COL21A1: variants seen among roughly 807,000 people sequenced by gnomAD.
COL21A1 encodes collagen type XXI alpha 1 chain, also known as collagen alpha-1(XXI) chain.
COL21A1 carries 149 observed loss-of-function variants against 137.9 expected under a neutral mutation model. That is an observed-to-expected ratio of 1.08 (90% confidence interval 0.95 to 1.24). The LOEUF (loss-of-function observed/expected upper bound fraction) is 1.24. COL21A1 is among the 50% of genes most tolerant of loss of function. The pLI is 0.00. For synonymous variants in COL21A1, 456 were observed against 391.5 expected (o/e 1.16, Z -1.95); for missense variants, 1,167 against 1,158.4 (o/e 1.01, Z -0.11).
chr6:56,196,862 C>T (rs1409800907), intron 1 of COL21A1, among the ~76,000 whole-genome samples: 3 of 151,760 alleles, frequency 2.0e-5, no homozygotes, highest in African/African-American at 7.3e-5. Flanking sequence ...GCATTTTTTA[C>T]AAAAATAGAA....
At chr6:56,242,036 T>A (rs1782357741) in intron 1 of COL21A1, among the ~76,000 whole-genome samples, 2 of 152,316 alleles carry the variant, frequency 1.3e-5, no homozygotes, top group South Asian at 4.1e-4. Flanking sequence ...ATTTGATGAA[T>A]GGGTGAACAC....
intron 20 of COL21A1, among the ~76,000 whole-genome samples, chr6:56,072,750 A>G (rs1582247222): frequency 6.6e-6 from 1 of 151,680 alleles, no homozygotes; most frequent in East Asian, 1.9e-4. Context: ...TGAAATATTT[A>G]CTTTCTGTCC....
rs1201850159 is a variant in COL21A1, at chr6:56,164,525, A to G, written c.1288-19T>C. On this transcript the variant is annotated intron_variant, in intron 8 of 29. Transcript: ENST00000244728. ...TAAGGCACTATAAAGACAAAAATGGAAACAGACAACAAGCATGGAAAGACA... is the reference window on the plus strand; with the variant it reads ...TAAGGCACTATAAAGACAAAAATGGGAACAGACAACAAGCATGGAAAGACA... The G allele has an allele frequency of 1.3e-6, 2 of 1,520,510 alleles. No homozygotes were observed. The highest frequency in any genetic ancestry group is 2.7e-5 in the African/African-American group (2 of 72,874). The allele number at this position is 1,520,510 out of a possible 1,614,324, so 94.2% of individuals were successfully genotyped here. A position where few individuals can be genotyped will look rare whatever the true frequency, so the allele number is the denominator to read the frequency against.
At chr6:56,208,017 T>C (rs1779903024) in intron 1 of COL21A1, among the ~76,000 whole-genome samples, 1 of 152,116 alleles carries the variant, frequency 6.6e-6, no homozygotes, top group Admixed American at 6.6e-5. Context: ...AAGCTAGGTA[T>C]CGATGGAATG....
At chr6:56,160,514 GA>G (rs1395322545) in intron 9 of COL21A1, among the ~76,000 whole-genome samples, 24 of 150,282 alleles carry the variant, frequency 1.6e-4, no homozygotes, top group Non-Finnish European at 3.1e-4. Flanking sequence ...ATTTAATATG[GA>G]AAAAAAAATT....
chr6:56,155,451 C>A (rs1775670602), intron 10 of COL21A1, among the ~76,000 whole-genome samples: 1 of 152,150 alleles, frequency 6.6e-6, no homozygotes, highest in African/African-American at 2.4e-5. Context: ...CACATTATAT[C>A]TATGGTTCTT....
intron 16 of COL21A1, among the ~76,000 whole-genome samples, chr6:56,105,758 A>T (rs1770831237): frequency 6.6e-6 from 1 of 152,228 alleles, no homozygotes; most frequent in African/African-American, 2.4e-5. Flanking sequence ...GATTAATGAG[A>T]AAATACATGT....
At chr6:56,278,259 G>A (rs1342933909) in intron 1 of COL21A1, among the ~76,000 whole-genome samples, 1 of 152,156 alleles carries the variant, frequency 6.6e-6, no homozygotes, top group Admixed American at 6.5e-5. Flanking sequence ...AATAAATGGT[G>A]GGATGTTTAA....
Position 56,289,875 on chromosome 6 carries a change from A to T in COL21A1, c.-39+104096T>A, listed in dbSNP as rs148994497. Among the ~76,000 whole-genome samples the T allele has an allele frequency of 9.7e-4, 147 of 152,182 alleles. No homozygotes were observed. The Middle Eastern group carries it at 0.01, about 11-fold the overall frequency. ...TATAAACTGCCTGATGTTTGCAACC[A>T]GTTGCGGTTTTGGTTTTCCTGCCCA... is the stretch of plus-strand genomic sequence containing the variant. On this transcript the variant is annotated intron_variant, in intron 1 of 28. Transcript: ENST00000370819.
rs560626635 is a variant in COL21A1, at chr6:56,109,982, G to A, written c.1759-8457C>T. ...ACACTACACAAATGCTTTTAGAAAAGAAAAGCCAGTATTGTTTTGATATTA... is the reference window on the plus strand; with the variant it reads ...ACACTACACAAATGCTTTTAGAAAAAAAAAGCCAGTATTGTTTTGATATTA... On this transcript the variant is annotated intron_variant, in intron 16 of 29. Coordinates refer to ENST00000244728, the MANE Select transcript of COL21A1 (RefSeq NM_030820.4). Among the ~76,000 whole-genome samples the A allele has an allele frequency of 2.0e-5, 3 of 151,938 alleles. No individual in the cohort carries two copies. In the South Asian group the frequency reaches 6.2e-4, roughly 32 times the overall value.
Position 56,393,050 on chromosome 6 carries a change from CAAAAAA to C in COL21A1, c.-39+915_-39+920del, listed in dbSNP as rs34338247. 1.9e-3 allele frequency among the ~76,000 whole-genome samples: 231 copies of C among 123,820 alleles called. 1 individual carries two copies. The highest frequency in any genetic ancestry group is 3.2e-3 in the Non-Finnish European group (185 of 57,720). The allele number at this position is 123,820 out of a possible 152,430, so 81.2% of individuals were successfully genotyped here. A position where few individuals can be genotyped will look rare whatever the true frequency, so the allele number is the denominator to read the frequency against. ...CCAGGATAACTAAAGCAATCCTTAG[CAAAAAA>C]AAAAAAAGAAAACTGAAGGAATCAC... On this transcript the variant is annotated intron_variant, in intron 1 of 28. Transcript: ENST00000370819.
chr6:56,211,145 T>C (rs1325601838), intron 1 of COL21A1, among the ~76,000 whole-genome samples: 1 of 144,830 alleles, frequency 6.9e-6, no homozygotes, highest in Non-Finnish European at 1.5e-5. Flanking sequence ...AAATTCTATA[T>C]TTGTGTAAAT....
At chr6:56,068,076 CAT>C (rs1766415480) in intron 22 of COL21A1, among the ~76,000 whole-genome samples, 1 of 151,624 alleles carries the variant, frequency 6.6e-6, no homozygotes, top group South Asian at 2.1e-4. Context: ...TCATCCCAAA[CAT>C]ATATTCGTAG....
chr6:56,227,759 G>T (rs1781303426), intron 1 of COL21A1, among the ~76,000 whole-genome samples: 1 of 151,988 alleles, frequency 6.6e-6, no homozygotes, highest in African/African-American at 2.4e-5. Context: ...GCAAGTATAG[G>T]GTTTTTGTGA....
chr6:56,098,210 AAT>A (rs1491222995), intron 17 of COL21A1, among the ~76,000 whole-genome samples: 1 of 10,424 alleles, frequency 9.6e-5, no homozygotes, highest in Non-Finnish European at 1.4e-4. Context: ...AATATATATA[AAT>A]ATATAAATAC....
intron 1 of COL21A1, among the ~76,000 whole-genome samples, chr6:56,293,479 G>A (rs891322798): frequency 7.9e-5 from 12 of 151,996 alleles, no homozygotes; most frequent in African/African-American, 2.9e-4. Context: ...CAACAAAAAA[G>A]GTGTAACTCA....
intron 1 of COL21A1, among the ~76,000 whole-genome samples, chr6:56,342,830 T>G (rs1401527507): frequency 6.6e-6 from 1 of 152,204 alleles, no homozygotes; most frequent in African/African-American, 2.4e-5. Flanking sequence ...CTCATACTTT[T>G]GCCAACGCAC....
rs187014313 is a variant in COL21A1, at chr6:56,141,950, G to A, written c.1468C>T (p.Pro490Ser). Residue 490 changes from proline (P) to serine (S), a missense_variant, in exon 11 of 30, where the codon CCA becomes TCA. By Grantham distance (74) the Pro-to-Ser change is moderately conservative (BLOSUM62 -1). Transcript: ENST00000244728. ...CATACTTGTATTCCTGGAGATCCTG[G>A]AACACCTGGTGTCCCTGCAATTCCC... ...YQGIAGTPGV[P>S]GSPGIQGARG... 1 of 1,545,506 alleles carries A rather than the reference G, an allele frequency of 6.5e-7. No homozygotes were observed. The highest frequency in any genetic ancestry group is 1.9e-5 in the Admixed American group (1 of 51,526).
At chr6:56,263,603 C>T (rs1203303942) in intron 1 of COL21A1, among the ~76,000 whole-genome samples, 1 of 152,182 alleles carries the variant, frequency 6.6e-6, no homozygotes, top group African/African-American at 2.4e-5. Context: ...AAACAATGCC[C>T]ACAGTCAGGG....
Sources: gnomAD v4.1 joint callset for allele counts (sites outside exome capture counted in the v4.1 genomes callset) on GRCh38, gnomAD v4.1.1 for gene constraint, MANE v1.5 for transcripts, NCBI Gene and HGNC (gene_info 2026-07-23, HGNC 2026-07-21) for gene names.